IFFO2: variants seen among roughly 807,000 people sequenced by gnomAD.
IFFO2 encodes the protein intermediate filament family orphan 2.
In IFFO2, 19 loss-of-function variants were observed where a neutral mutation model predicts 53.5. That is an observed-to-expected ratio of 0.36 (90% CI 0.25 to 0.52). The LOEUF (loss-of-function observed/expected upper bound fraction) is 0.52. Ranked by LOEUF, IFFO2 falls within the 20% of genes least tolerant of loss-of-function variation. IFFO2 has a pLI of 0.94. For missense variants in IFFO2, 570 were observed against 727.4 expected (o/e 0.78, Z 2.49); for synonymous variants, 303 against 313.6 (o/e 0.97, Z 0.36).
chr1:18,937,106 A>G (rs1936459439), intron 1 of IFFO2, among the ~76,000 whole-genome samples: 1 of 152,182 alleles, frequency 6.6e-6, no homozygotes. Flanking sequence ...GCAACTCCAG[A>G]GACTAGGAGC....
At chr1:18,929,141 A>G (rs1448731565) in intron 1 of IFFO2, among the ~76,000 whole-genome samples, 3 of 152,162 alleles carry the variant, frequency 2.0e-5, no homozygotes, top group Non-Finnish European at 4.4e-5. Flanking sequence ...TGAGCTGAGA[A>G]AGTCATCTGC....
rs58010345 is a variant in IFFO2, at chr1:18,936,955, C to CAA, written c.666-15836_666-15835dup. On this transcript the variant is annotated intron_variant, in intron 1 of 8. Transcript: ENST00000455833. The surrounding 1 kb of genome is among the most constrained non-coding windows in gnomAD (Gnocchi z 4.5). Reference sequence around the variant, plus strand: ...AAACACAAACTGGCTGCAGGTGGGGCAAAAAAAAAAAAAAAGCACAGAACA... The same window carrying CAA: ...AAACACAAACTGGCTGCAGGTGGGGCAAAAAAAAAAAAAAAAAGCACAGAACA... Among the ~76,000 whole-genome samples, 695 of 137,624 alleles carry CAA rather than the reference C, an allele frequency of 5.0e-3. 8 individuals carry two copies. Among genetic ancestry groups the CAA allele is most frequent in the South Asian group, 0.012 (51 of 4,352 alleles). 90.3% of individuals were successfully genotyped at this position (137,624 alleles called of 152,430 possible).
chr1:18,939,580 C>T (rs745894100), intron 1 of IFFO2, among the ~76,000 whole-genome samples: 6 of 152,198 alleles, frequency 3.9e-5, no homozygotes, highest in Non-Finnish European at 8.8e-5. Flanking sequence ...TGGGATACTA[C>T]AGGGACCAGC....
At chr1:18,943,607 C>T (rs1936547636) in intron 1 of IFFO2, among the ~76,000 whole-genome samples, 3 of 152,182 alleles carry the variant, frequency 2.0e-5, no homozygotes. Context: ...ATCAGGCTCA[C>T]CAACACCCTG....
chr1:18,941,268 A>C (rs976122537), intron 1 of IFFO2, among the ~76,000 whole-genome samples: 4 of 152,224 alleles, frequency 2.6e-5, no homozygotes, highest in African/African-American at 9.6e-5. Context: ...CCCTTCTTGG[A>C]GGGGCTGAGC....
chr1:18,949,099 G>A (rs1274303156), intron 1 of IFFO2, among the ~76,000 whole-genome samples: 2 of 152,230 alleles, frequency 1.3e-5, no homozygotes, highest in African/African-American at 4.8e-5. Context: ...GATTCCAAGT[G>A]CAGGCCCTCC....
At chr1:18,911,727 T>C (rs1347010417) in intron 6 of IFFO2, among the ~76,000 whole-genome samples, 6 of 152,040 alleles carry the variant, frequency 3.9e-5, no homozygotes, top group Middle Eastern at 3.4e-3. Flanking sequence ...TTAGTAGAGA[T>C]GAGATTTCGC....
chr1:18,911,584 G>C (rs1188647371), intron 6 of IFFO2, 108 bp from the exon 7 acceptor site: 7 of 489,608 alleles, frequency 1.4e-5, no homozygotes, highest in African/African-American at 1.2e-4. Flanking sequence ...TGTCACCCAG[G>C]CTGGAGTGCA....
intron 1 of IFFO2, among the ~76,000 whole-genome samples, chr1:18,925,783 TTGGTTGGATGGATGGATGGATTGGTTGGA>T (rs1936275063): frequency 7.2e-6 from 1 of 138,382 alleles, no homozygotes; most frequent in Non-Finnish European, 1.6e-5. Context: ...GATGGATGGA[TTGGTTGGATGGATGGATGGATTGGTTGGA>T]TGGATGGATG....
At chr1:18,951,740 T>A (rs1183220695) in intron 1 of IFFO2, among the ~76,000 whole-genome samples, 1 of 152,164 alleles carries the variant, frequency 6.6e-6, no homozygotes, top group African/African-American at 2.4e-5. Flanking sequence ...GGGGAAACGG[T>A]TGAACCGGTT....
At chr1:18,910,032 C>T (rs1407221448) in intron 8 of IFFO2, among the ~76,000 whole-genome samples, 7 of 152,180 alleles carry the variant, frequency 4.6e-5, no homozygotes, top group African/African-American at 1.7e-4. Flanking sequence ...GGCTTAAGCT[C>T]CTTGAGGGCA....
At chr1:18,931,284 C>T (rs1328607772) in intron 1 of IFFO2, among the ~76,000 whole-genome samples, 1 of 152,170 alleles carries the variant, frequency 6.6e-6, no homozygotes, top group Non-Finnish European at 1.5e-5. Flanking sequence ...GAAACTACAC[C>T]CACGTGGGCA....
In IFFO2 at chr1:18,928,744, G is replaced by A. The variant is rs1351240906; in HGVS notation, c.666-7623C>T. Among the ~76,000 whole-genome samples the A allele has an allele frequency of 3.3e-5, 5 of 152,220 alleles. No homozygotes were observed. The highest frequency in any genetic ancestry group is 7.4e-5 in the Non-Finnish European group (5 of 68,018). On this transcript the variant is annotated intron_variant, in intron 1 of 8. Transcript: ENST00000455833. The surrounding 1 kb of genome is among the most constrained non-coding windows in gnomAD (Gnocchi z 4.9). Reference sequence around the variant, plus strand: ...CGTTGCTAATTTGCTGCATGACCCTGAGCAAGTCCCTTCTCTGCCCTGGGC... The same window carrying A: ...CGTTGCTAATTTGCTGCATGACCCTAAGCAAGTCCCTTCTCTGCCCTGGGC...
At chr1:18,953,538 C>G (rs1936683734) in intron 1 of IFFO2, among the ~76,000 whole-genome samples, 1 of 152,074 alleles carries the variant, frequency 6.6e-6, no homozygotes, top group Non-Finnish European at 1.5e-5. Flanking sequence ...TCTAAGAAAG[C>G]CTGGGGTTTC....
At chr1:18,945,220 C>A (rs1297035287) in intron 1 of IFFO2, among the ~76,000 whole-genome samples, 1 of 152,078 alleles carries the variant, frequency 6.6e-6, no homozygotes, top group Non-Finnish European at 1.5e-5. Flanking sequence ...GTTTTGGGCA[C>A]CCTAGGGTCT....
At chr1:18,923,100 G>A (rs995603195) in intron 1 of IFFO2, among the ~76,000 whole-genome samples, 4 of 152,240 alleles carry the variant, frequency 2.6e-5, no homozygotes, top group Non-Finnish European at 5.9e-5. Context: ...GTGCAAGGGC[G>A]AGCCCCGGCA....
intron 1 of IFFO2, among the ~76,000 whole-genome samples, chr1:18,950,932 A>G (rs902869566): frequency 2.6e-5 from 4 of 152,206 alleles, no homozygotes; most frequent in Non-Finnish European, 5.9e-5. Context: ...TTTAAAACAG[A>G]CATACAAAAA....
At chr1:18,930,597 T>C (rs561393226) in intron 1 of IFFO2, among the ~76,000 whole-genome samples, 1 of 152,180 alleles carries the variant, frequency 6.6e-6, no homozygotes, top group Non-Finnish European at 1.5e-5. Flanking sequence ...CCCTTTGAGG[T>C]CTGTCCTAAC....
chr1:18,914,123 G>A (rs6687131), intron 5 of IFFO2, among the ~76,000 whole-genome samples: 15,398 of 152,228 alleles, frequency 0.1, 2,315 homozygotes, highest in African/African-American at 0.33. Flanking sequence ...GAGCCACCGC[G>A]CCCGGCCTGT....
Sources: allele counts gnomAD v4.1 joint callset (sites outside exome capture counted in the v4.1 genomes callset), GRCh38; gene constraint gnomAD v4.1.1; non-coding constraint Gnocchi (gnomAD v3.1); transcripts MANE v1.5; gene names NCBI Gene and HGNC (gene_info 2026-07-23, HGNC 2026-07-21).